MYPN: variants seen among roughly 807,000 people sequenced by gnomAD.
The protein encoded by MYPN is myopalladin.
In MYPN, 63 loss-of-function variants were observed where a neutral mutation model predicts 129.4. The observed-to-expected ratio is 0.49, with a 90% CI of 0.40 to 0.60. The LOEUF is 0.60. Among genes scored for constraint, MYPN ranks in the 20% least tolerant of loss-of-function variants. MYPN has a pLI of 0.00. For missense variants in MYPN, 1,596 were observed against 1,635.4 expected (o/e 0.98, Z 0.42); for synonymous variants, 629 against 600.9 (o/e 1.05, Z -0.68).
chr10:68,197,565 G>GTT (rs577061660), intron 16 of MYPN, 87 bp downstream of exon 16: 133 of 1,312,398 alleles, frequency 1.0e-4, no homozygotes, highest in East Asian at 1.4e-4. Context: ...TGTTTTGTGG[G>GTT]TTTTTTTTTT....
chr10:68,145,309 C>A (rs896571494), intron 3 of MYPN, among the ~76,000 whole-genome samples, 166 bp from the exon 4 acceptor site: 1 of 152,080 alleles, frequency 6.6e-6, no homozygotes, highest in African/African-American at 2.4e-5. Flanking sequence ...CAGGTGTGAG[C>A]CACCACGCCC....
At chr10:68,143,574 C>T (rs2042611092) in intron 3 of MYPN, among the ~76,000 whole-genome samples, 1 of 151,790 alleles carries the variant, frequency 6.6e-6, no homozygotes, top group Non-Finnish European at 1.5e-5. Context: ...AAGAAAGTAA[C>T]AGAAGATGAG....
intron 1 of MYPN, among the ~76,000 whole-genome samples, chr10:68,098,770 G>A (rs2133942667): frequency 2.0e-5 from 3 of 152,230 alleles, no homozygotes; most frequent in East Asian, 1.9e-4. Context: ...TTGAACCCAG[G>A]AGGCAGAGGT....
chr10:68,107,538 A>T (rs1397365370), upstream of MYPN, among the ~76,000 whole-genome samples: 1 of 148,748 alleles, frequency 6.7e-6, no homozygotes, highest in Non-Finnish European at 1.5e-5. Context: ...TTTAGTAGAG[A>T]TGGGGTTTCG....
At chr10:68,125,908 T>C (rs997952052) in intron 2 of MYPN, among the ~76,000 whole-genome samples, 1 of 152,166 alleles carries the variant, frequency 6.6e-6, no homozygotes, top group Non-Finnish European at 1.5e-5. Context: ...CACAATCTAA[T>C]AGCTAGGAAT....
chr10:68,170,047 T>G (rs2043121902), intron 10 of MYPN, among the ~76,000 whole-genome samples: 1 of 152,130 alleles, frequency 6.6e-6, no homozygotes, highest in South Asian at 2.1e-4. Context: ...CAGACAAAAG[T>G]CACACTCTTG....
In MYPN at chr10:68,211,703, A is replaced by G; in HGVS notation, c.*1248A>G. Reference sequence around the variant, plus strand: ...CAATAAATATTTGCTGGTTGAATGAATCTTCTGTTATTATGTCTATTATAA... The same window carrying G: ...CAATAAATATTTGCTGGTTGAATGAGTCTTCTGTTATTATGTCTATTATAA... On this transcript the variant is annotated 3_prime_UTR_variant, in exon 20 of 20. Coordinates refer to ENST00000358913, the MANE Select transcript of MYPN (RefSeq NM_032578.4). 1 of 454,134 alleles carries G rather than the reference A, an allele frequency of 2.2e-6. No homozygotes were observed. The highest frequency in any genetic ancestry group is 1.6e-5 in the South Asian group (1 of 64,482). 28.1% of individuals were successfully genotyped at this position (454,134 alleles called of 1,614,324 possible).
intron 2 of MYPN, among the ~76,000 whole-genome samples, chr10:68,129,262 GTCTC>G (rs1183218163): frequency 1.3e-5 from 2 of 152,122 alleles, no homozygotes; most frequent in African/African-American, 4.8e-5. Context: ...CATTGTTCTA[GTCTC>G]TCTATGTATG....
intron 8 of MYPN, 77 bp downstream of exon 8, chr10:68,161,829 T>G (rs1450300197): frequency 2.6e-6 from 3 of 1,135,368 alleles, no homozygotes; most frequent in Non-Finnish European, 3.9e-6. Context: ...GAAGTTACAC[T>G]GAGATGAATA....
chr10:68,089,179 G>A (rs2133931466), intron 1 of MYPN, among the ~76,000 whole-genome samples: 1 of 152,046 alleles, frequency 6.6e-6, no homozygotes, highest in East Asian at 1.9e-4. Flanking sequence ...TTACAGACAT[G>A]CGCCACAGTG....
intron 12 of MYPN, 94 bp from the exon 13 acceptor site, chr10:68,188,811 C>G: frequency 1.0e-6 from 1 of 999,576 alleles, no homozygotes; most frequent in Non-Finnish European, 1.5e-6. Flanking sequence ...ATAAATCTAA[C>G]GTCTGAATCT....
chr10:68,197,164 G>A lies in MYPN; in HGVS notation c.3159-188G>A, dbSNP rs1206633179. Among the ~76,000 whole-genome samples the A allele has an allele frequency of 2.0e-5, 3 of 151,686 alleles. No individual in the cohort carries two copies. The East Asian group carries it at 5.8e-4, about 29-fold the overall frequency. On this transcript the variant is annotated intron_variant, in intron 15 of 19. Transcript: ENST00000358913. ...CGCAAGACAATCCCACAGTATATGA[G>A]ATACTTACCACTTTGTGTTTTACAT...
Position 68,121,994 on chromosome 10 carries a change from G to T in MYPN, c.556G>T (p.Glu186Ter). The T allele has an allele frequency of 6.2e-7, 1 of 1,614,184 alleles. No individual in the cohort carries two copies. ...RACKNHKSKL[E>*]SQNKVMQENS... ...CTGCAAAAACCACAAGAGTAAACTG[G>T]AATCTCAAAACAAAGTTATGCAGGA... Residue 186 changes from glutamate (E) to a stop codon, truncating the protein, a stop_gained, in exon 2 of 20, where the codon GAA becomes TAA. Transcript: ENST00000358913. LOFTEE classifies it high-confidence loss of function.
intron 12 of MYPN, among the ~76,000 whole-genome samples, chr10:68,187,269 C>G (rs1009356287): frequency 2.0e-5 from 3 of 150,132 alleles, no homozygotes; most frequent in African/African-American, 4.9e-5. Context: ...CCACTGCACT[C>G]CAGCCTGGGC....
intron 2 of MYPN, chr10:68,135,359 C>T (rs2042470658): frequency 8.0e-6 from 3 of 372,684 alleles, no homozygotes; most frequent in Non-Finnish European, 1.1e-5. Flanking sequence ...AGTTTACTAA[C>T]TCAGTAGCAG....
intron 12 of MYPN, among the ~76,000 whole-genome samples, chr10:68,184,467 C>T (rs191382804): frequency 2.0e-5 from 3 of 152,016 alleles, no homozygotes; most frequent in Admixed American, 2.0e-4. Flanking sequence ...TCACTCTTGT[C>T]CCCTAGGCTG....
At position 68,154,937 on chromosome 10, in the gene MYPN, C is replaced by T. The variant is rs751537132; in HGVS notation, c.1318-3549C>T. 5.9e-5 allele frequency among the ~76,000 whole-genome samples: 9 copies of T among 152,132 alleles called. No individual in the cohort carries two copies. The East Asian group carries it at 1.5e-3, about 26-fold the overall frequency. ...GCTCACAACTGTAATTCCAGCACTT[C>T]GGGAGGTTGAGGCAGGAGGATCACT... On this transcript the variant is annotated intron_variant, in intron 6 of 19. Transcript: ENST00000358913.
intron 4 of MYPN, 91 bp downstream of exon 4, chr10:68,145,617 AG>A (rs1330669687): frequency 9.2e-7 from 1 of 1,084,454 alleles, no homozygotes; most frequent in Non-Finnish European, 1.4e-6. Flanking sequence ...GAACTTAAGA[AG>A]GGTGGCTCCA....
At position 68,201,924 on chromosome 10, in the gene MYPN, G is replaced by A; in HGVS notation, c.3589G>A (p.Gly1197Ser). ...CGTGAGACTGGAGTGCCGCGTGATA[G>A]GCATGCCCCCACCTGTGTTCTACTG... Reference protein sequence around the residue: ...HPVRLECRVIGMPPPVFYWKK... With the variant: ...HPVRLECRVISMPPPVFYWKK... The change falls in exon 18 of 20, where the codon GGC becomes AGC. Residue 1197 changes from glycine (G) to serine (S), a missense_variant. Coordinates refer to ENST00000358913, the MANE Select transcript of MYPN (RefSeq NM_032578.4). 1.9e-6 allele frequency: 3 copies of A among 1,614,150 alleles called. No homozygotes were observed. The highest frequency in any genetic ancestry group is 2.5e-6 in the Non-Finnish European group (3 of 1,180,022).
Sources: allele counts gnomAD v4.1 joint callset (sites outside exome capture counted in the v4.1 genomes callset), GRCh38; gene constraint gnomAD v4.1.1; transcripts MANE v1.5; gene names NCBI Gene and HGNC (gene_info 2026-07-23, HGNC 2026-07-21).